Variants in CES5A observed in about 807,000 individuals in gnomAD.
CES5A encodes carboxylesterase 5A, also known as carboxylesterase 5.
A neutral mutation model predicts 62.9 loss-of-function variants in CES5A; 67 were observed. The ratio of observed to expected loss-of-function variants is 1.07; its 90% CI spans 0.88 to 1.31. CES5A has a LOEUF of 1.31. Ranked by LOEUF, CES5A falls within the 50% of genes most tolerant of loss-of-function variation. The pLI, the probability that CES5A is intolerant of heterozygous loss-of-function variation, is 0.00. For missense variants in CES5A, 748 were observed against 708.5 expected (o/e 1.06, Z -0.63); for synonymous variants, 296 against 280.8 (o/e 1.05, Z -0.54).
At chr16:55,928,059 C>T (rs749212463), upstream of CES5A, among the ~76,000 whole-genome samples, 60 of 152,116 alleles carry the variant, frequency 3.9e-4, no homozygotes, top group Middle Eastern at 3.4e-3. Context: ...CTGGCTAGCA[C>T]GGTGAAACCC....
chr16:55,893,974 C>T (rs2033906178), intron 1 of CES5A, among the ~76,000 whole-genome samples: 1 of 151,156 alleles, frequency 6.6e-6, no homozygotes, highest in African/African-American at 2.4e-5. Context: ...AAAACTTTGC[C>T]AAAAGCCAAA....
At chr16:55,872,153 C>T (rs866494082) in intron 2 of CES5A, among the ~76,000 whole-genome samples, 214 of 152,260 alleles carry the variant, frequency 1.4e-3, no homozygotes, top group African/African-American at 4.9e-3. Flanking sequence ...TTTGCCCCTG[C>T]GGCTCCCTAT....
intron 1 of CES5A, 82 bp from the exon 2 acceptor site, chr16:55,874,119 G>T (rs754220155): frequency 4.5e-5 from 56 of 1,248,212 alleles, no homozygotes; most frequent in Non-Finnish European, 6.1e-5. Flanking sequence ...CTCCCCAGTG[G>T]GGATGTGCTT....
At chr16:55,888,639 G>A (rs1012819845) in intron 1 of CES5A, among the ~76,000 whole-genome samples, 10 of 152,078 alleles carry the variant, frequency 6.6e-5, no homozygotes, top group South Asian at 2.1e-4. Context: ...TCTGCTTTTC[G>A]GGGAATCCAG....
At chr16:55,939,029 G>T (rs1324694266) in intron 2 of CES5A, among the ~76,000 whole-genome samples, 2 of 151,634 alleles carry the variant, frequency 1.3e-5, no homozygotes, top group African/African-American at 4.8e-5. Context: ...GGATCTATGT[G>T]CTTTGGCAAG....
chr16:55,855,372 G>A (rs2033219667), intron 9 of CES5A, among the ~76,000 whole-genome samples: 1 of 152,246 alleles, frequency 6.6e-6, no homozygotes, highest in Non-Finnish European at 1.5e-5. Flanking sequence ...CTAGTGTCTA[G>A]AGTAAGATCA....
Position 55,871,688 on chromosome 16 carries a change from T to C in CES5A, c.354A>G (p.Ser118=). 6.2e-7 allele frequency: 1 copy of C among 1,614,144 alleles called. No homozygotes were observed. The highest frequency in any genetic ancestry group is 8.5e-7 in the Non-Finnish European group (1 of 1,180,008). ...AGATGTTCAGGTAGAGGCAGTCTTC[T>C]GACACTCCGAATTTCGGGTAATGCA... ...LKVHYPKFGV[S]EDCLYLNIYA... is the part of the protein sequence containing the mutation. Residue 118 remains serine (S), a synonymous_variant, in exon 3 of 13, where the codon TCA becomes TCG. Coordinates refer to ENST00000290567, the MANE Select transcript of CES5A (RefSeq NM_001143685.2).
chr16:55,933,206 C>T (rs1225332244), intron 2 of CES5A, among the ~76,000 whole-genome samples: 8 of 152,196 alleles, frequency 5.3e-5, no homozygotes, highest in African/African-American at 1.9e-4. Context: ...TCATGTGTCA[C>T]TTCTCTTCAC....
chr16:55,902,769 C>T (rs980948634), intron 1 of CES5A, among the ~76,000 whole-genome samples: 28 of 152,094 alleles, frequency 1.8e-4, no homozygotes, highest in African/African-American at 6.8e-4. Context: ...GGGCATCATC[C>T]GAATTTCTGT....
At chr16:55,869,359 G>T in intron 4 of CES5A, 1 of 469,358 alleles carries the variant, frequency 2.1e-6, no homozygotes, top group Non-Finnish European at 3.3e-6. Flanking sequence ...GGTTGACCAT[G>T]AGGAAGAATG....
chr16:55,904,064 C>T (rs2034015939), intron 1 of CES5A, among the ~76,000 whole-genome samples: 1 of 152,174 alleles, frequency 6.6e-6, no homozygotes, highest in Admixed American at 6.5e-5. Flanking sequence ...ATTTTAACAA[C>T]ACAGCCCCTG....
At chr16:55,952,205 A>G (rs1188152793) in intron 1 of CES5A, among the ~76,000 whole-genome samples, 1 of 152,208 alleles carries the variant, frequency 6.6e-6, no homozygotes, top group East Asian at 1.9e-4. Flanking sequence ...TTAGCAAAGA[A>G]AAAAGTATTA....
chr16:55,877,190 A>T (rs1362038431), upstream of CES5A, among the ~76,000 whole-genome samples: 1 of 152,168 alleles, frequency 6.6e-6, no homozygotes, highest in African/African-American at 2.4e-5. Flanking sequence ...TAACTCACAC[A>T]GCCAGACACC....
upstream of CES5A, among the ~76,000 whole-genome samples, chr16:55,878,558 C>A (rs1383843579): frequency 6.6e-6 from 1 of 151,694 alleles, no homozygotes; most frequent in African/African-American, 2.4e-5. Context: ...TCATTGCAAC[C>A]CCACTGCTAC....
intron 1 of CES5A, among the ~76,000 whole-genome samples, chr16:55,952,026 A>C (rs192206545): frequency 6.6e-6 from 1 of 152,282 alleles, no homozygotes; most frequent in Non-Finnish European, 1.5e-5. Context: ...TTCAAAAAAA[A>C]TTACTCACGT....
chr16:55,942,121 G>A (rs757103173), intron 2 of CES5A, among the ~76,000 whole-genome samples: 2 of 151,988 alleles, frequency 1.3e-5, no homozygotes, highest in Non-Finnish European at 2.9e-5. Context: ...AAACCATAAA[G>A]CTTCTAGAAT....
chr16:55,915,914 A>C (rs1489526712), intron 1 of CES5A, among the ~76,000 whole-genome samples: 2 of 152,236 alleles, frequency 1.3e-5, no homozygotes, highest in African/African-American at 4.8e-5. Flanking sequence ...CTATCTTAAC[A>C]TCACTATCCA....
At chr16:55,911,959 C>T (rs531433389) in intron 1 of CES5A, among the ~76,000 whole-genome samples, 3 of 152,312 alleles carry the variant, frequency 2.0e-5, no homozygotes, top group African/African-American at 7.2e-5. Flanking sequence ...CATCTTAGAC[C>T]ACAGTTGCAT....
At chr16:55,872,055 C>T (rs1301233383) in intron 2 of CES5A, among the ~76,000 whole-genome samples, 1 of 152,188 alleles carries the variant, frequency 6.6e-6, no homozygotes, top group African/African-American at 2.4e-5. Context: ...CCTATGCCAC[C>T]ACCATAATAT....
Sources: gnomAD v4.1 joint callset for allele counts (sites outside exome capture counted in the v4.1 genomes callset) on GRCh38, gnomAD v4.1.1 for gene constraint, MANE v1.5 for transcripts, NCBI Gene and HGNC (gene_info 2026-07-23, HGNC 2026-07-21) for gene names.